Variants in SLC8A3 observed in about 807,000 individuals in gnomAD.
The protein encoded by SLC8A3 is sodium/calcium exchanger 3.
SLC8A3 carries 37 observed loss-of-function variants against 65.4 expected under a neutral mutation model. The observed-to-expected ratio is 0.57, with a 90% CI of 0.44 to 0.74. The LOEUF (loss-of-function observed/expected upper bound fraction) is 0.74, where lower values mean the gene tolerates loss of function less well. SLC8A3 is among the 30% of genes least tolerant of loss of function. The pLI is 0.00. For synonymous variants in SLC8A3, 461 were observed against 444.5 expected (o/e 1.04, Z -0.47); for missense variants, 1,112 against 1,172.1 (o/e 0.95, Z 0.75).
In SLC8A3 at chr14:70,159,094, G is replaced by A. The variant is rs139231816; in HGVS notation, c.1784+7545C>T. On this transcript the variant is annotated intron_variant, in intron 2 of 6. Transcript: ENST00000356921. ...TCTCAAACTGGGTTCTGGAAGCACA[G>A]CTTAGTTTCTCTTTTAAAAACCAAC... Among the ~76,000 whole-genome samples, 257 of 152,268 alleles carry A rather than the reference G, an allele frequency of 1.7e-3. 1 individual carries two copies. The highest frequency in any genetic ancestry group is 6.0e-3 in the African/African-American group (251 of 41,558).
At chr14:70,134,208 T>C (rs893370890) in intron 2 of SLC8A3, among the ~76,000 whole-genome samples, 3 of 152,220 alleles carry the variant, frequency 2.0e-5, no homozygotes, top group Non-Finnish European at 2.9e-5. Flanking sequence ...CTCTGTCTCA[T>C]CTCCAAATCA....
At chr14:70,178,489 G>A (rs1248688188) in intron 1 of SLC8A3, among the ~76,000 whole-genome samples, 3 of 152,164 alleles carry the variant, frequency 2.0e-5, no homozygotes, top group South Asian at 2.1e-4. Flanking sequence ...TCAAATGACC[G>A]CAGTTTCACA....
chr14:70,080,267 T>A (rs1594950742), intron 2 of SLC8A3: 9 of 984,476 alleles, frequency 9.1e-6, no homozygotes, highest in Non-Finnish European at 9.7e-6. Context: ...GCTATGGTGA[T>A]GGTGGGGAGG....
intron 2 of SLC8A3, among the ~76,000 whole-genome samples, chr14:70,155,887 C>A (rs957973215): frequency 1.3e-5 from 2 of 152,200 alleles, no homozygotes; most frequent in African/African-American, 4.8e-5. Flanking sequence ...CTCTACTCAA[C>A]CCCCAAAATA....
chr14:70,171,858 AC>A (rs56788204), intron 1 of SLC8A3, among the ~76,000 whole-genome samples: 25,569 of 152,176 alleles, frequency 0.17, 2,263 homozygotes, highest in Middle Eastern at 0.24. Context: ...AAATGCAGGC[AC>A]CCAGTTTTTG....
At chr14:70,109,287 CTA>C (rs945369484) in intron 2 of SLC8A3, among the ~76,000 whole-genome samples, 55 of 144,448 alleles carry the variant, frequency 3.8e-4, no homozygotes, top group Non-Finnish European at 5.3e-4. Context: ...GGTTCTTAAC[CTA>C]TATATATATA....
chr14:70,102,940 A>G (rs1055533478), intron 2 of SLC8A3, among the ~76,000 whole-genome samples: 3 of 152,050 alleles, frequency 2.0e-5, no homozygotes, highest in Non-Finnish European at 2.9e-5. Flanking sequence ...AAAAGCTCAC[A>G]GAAGTTAGAA....
Position 70,046,765 on chromosome 14 carries a change from G to A in SLC8A3, c.2390-442C>T, listed in dbSNP as rs183291429. 456 of 160,166 alleles carry A rather than the reference G, an allele frequency of 2.8e-3. No individual in the cohort carries two copies. Among genetic ancestry groups the A allele is most frequent in the African/African-American group, 0.01 (428 of 41,716 alleles). The allele number at this position is 160,166 out of a possible 1,614,324, so 9.9% of individuals were successfully genotyped here. On this transcript the variant is annotated intron_variant, in intron 6 of 6. Transcript: ENST00000356921. The surrounding 1 kb of genome is among the most constrained non-coding windows in gnomAD (Gnocchi z 4.2). ...CAACAGTTATTGAGCAATGCCTACT[G>A]ATTGAGCACTGGGTGAGGTGCTGGA...
chr14:70,066,741 G>A (rs1038116638), intron 2 of SLC8A3, among the ~76,000 whole-genome samples: 9 of 152,200 alleles, frequency 5.9e-5, no homozygotes, highest in African/African-American at 2.2e-4. Context: ...AACCCAAGAG[G>A]CGGAGGTTGC....
chr14:70,116,351 GTGTGTA>G (rs1893661517), intron 2 of SLC8A3, among the ~76,000 whole-genome samples: 1 of 147,198 alleles, frequency 6.8e-6, no homozygotes, highest in South Asian at 2.2e-4. Flanking sequence ...GTGTGTGTGT[GTGTGTA>G]TGTGTGTGCA....
chr14:70,048,857 C>T lies in SLC8A3; in HGVS notation c.2299G>A (p.Gly767Arg), dbSNP rs914107164. 4 of 1,614,092 alleles carry T rather than the reference C, an allele frequency of 2.5e-6. No individual in the cohort carries two copies. In the African/African-American group the frequency reaches 4.0e-5, roughly 16 times the overall value. The change falls in exon 6 of 7, where the codon GGG becomes AGG. Residue 767 changes from glycine to arginine, a missense_variant. Gly to Arg is a moderately radical substitution (Grantham distance 125). Coordinates refer to ENST00000356921, the MANE Select transcript of SLC8A3 (RefSeq NM_182932.3). ...CAGCCGAAGTGCGAGGCCAGGTCCCCAATGATGGCGGTGAGCATGCCAATG... is the reference window on the plus strand; with the variant it reads ...CAGCCGAAGTGCGAGGCCAGGTCCCTAATGATGGCGGTGAGCATGCCAATG... ...LIIGMLTAII[G>R]DLASHFGCTI... is the part of the protein sequence containing the mutation.
chr14:70,137,481 T>C (rs1465120129), intron 2 of SLC8A3, among the ~76,000 whole-genome samples: 1 of 152,162 alleles, frequency 6.6e-6, no homozygotes, highest in African/African-American at 2.4e-5. Flanking sequence ...TCAAAAGTAC[T>C]GGGGTAGCTG....
chr14:70,160,468 G>A (rs1275822309), intron 2 of SLC8A3, among the ~76,000 whole-genome samples: 1 of 152,152 alleles, frequency 6.6e-6, no homozygotes. Flanking sequence ...GAGAGAATAT[G>A]CCTAGGTCAT....
intron 3 of SLC8A3, among the ~76,000 whole-genome samples, chr14:70,057,333 G>GATAGATAA (rs1888265450): frequency 6.6e-6 from 1 of 151,592 alleles, no homozygotes; most frequent in Non-Finnish European, 1.5e-5. Flanking sequence ...TAGATAGATA[G>GATAGATAA]ATAGGCAAGA....
chr14:70,088,800 A>G (rs1594964393), intron 2 of SLC8A3, among the ~76,000 whole-genome samples: 1 of 152,284 alleles, frequency 6.6e-6, no homozygotes, highest in South Asian at 2.1e-4. Context: ...GGATGGTACC[A>G]CTATGCATTC....
chr14:70,084,976 G>T (rs962608770), intron 2 of SLC8A3, among the ~76,000 whole-genome samples: 1 of 152,174 alleles, frequency 6.6e-6, no homozygotes, highest in Non-Finnish European at 1.5e-5. Flanking sequence ...GATGGAAAAA[G>T]GCTTTACTGG....
At chr14:70,072,475 G>A (rs1265470426) in intron 2 of SLC8A3, among the ~76,000 whole-genome samples, 1 of 151,878 alleles carries the variant, frequency 6.6e-6, no homozygotes, top group Non-Finnish European at 1.5e-5. Context: ...TAGCTCTACA[G>A]GGTAGAAAAT....
chr14:70,102,031 T>C (rs556932740), intron 2 of SLC8A3, among the ~76,000 whole-genome samples: 7 of 152,198 alleles, frequency 4.6e-5, no homozygotes, highest in Non-Finnish European at 1.0e-4. Flanking sequence ...TATGGGGTTT[T>C]CCTGCAAGTC....
intron 3 of SLC8A3, among the ~76,000 whole-genome samples, chr14:70,060,417 T>A (rs1405777900): frequency 6.6e-6 from 1 of 152,132 alleles, no homozygotes; most frequent in African/African-American, 2.4e-5. Flanking sequence ...TCCTTTTTTT[T>A]CTTCTCCTCC....
Sources: gnomAD v4.1 joint callset for allele counts (sites outside exome capture counted in the v4.1 genomes callset) on GRCh38, gnomAD v4.1.1 for gene constraint, Gnocchi (gnomAD v3.1) non-coding constraint, MANE v1.5 for transcripts, NCBI Gene and HGNC (gene_info 2026-07-23, HGNC 2026-07-21) for gene names.